BMPR1B: variants seen among roughly 807,000 people sequenced by gnomAD.
BMPR1B encodes bone morphogenetic protein receptor type-1B.
Under a neutral mutation model 59.1 loss-of-function variants are expected in BMPR1B, and 12 were observed. That is an observed-to-expected ratio of 0.20 (90% CI 0.13 to 0.33). The LOEUF is 0.33. BMPR1B is among the 10% of genes least tolerant of loss of function. The pLI is 1.00. For missense variants in BMPR1B, 550 were observed against 610.9 expected, an observed-to-expected ratio of 0.90 and a Z score of 1.05; for synonymous variants, 237 against 207.3, an observed-to-expected ratio of 1.14 and a Z score of -1.23.
At chr4:94,788,209 T>G (rs1054194027) in intron 1 of BMPR1B, among the ~76,000 whole-genome samples, 1 of 152,170 alleles carries the variant, frequency 6.6e-6, no homozygotes, top group African/African-American at 2.4e-5. Flanking sequence ...GTAAGAATTC[T>G]CTTGACTGGA....
intron 2 of BMPR1B, among the ~76,000 whole-genome samples, chr4:94,976,152 G>A (rs538951651): frequency 6.6e-6 from 1 of 152,324 alleles, no homozygotes; most frequent in South Asian, 2.1e-4. Context: ...TGGCCGTGTG[G>A]TCCCTTCACA....
chr4:94,831,291 A>T (rs1275779013), intron 1 of BMPR1B, among the ~76,000 whole-genome samples: 1 of 132,792 alleles, frequency 7.5e-6, no homozygotes, highest in Non-Finnish European at 1.7e-5. Context: ...TAATGAAAAA[A>T]TATTTTTGTA....
rs533803115 is a variant in BMPR1B, at chr4:95,006,271, G to A, written c.-18+10137G>A. On this transcript the variant is annotated intron_variant, in intron 3 of 12. Coordinates refer to ENST00000515059, the MANE Select transcript of BMPR1B (RefSeq NM_001203.3). Reference sequence around the variant, plus strand: ...TAATAGTCAGAAGGTAGGGCCGGGCGCGATGGCTCACACCTGTAATCCTAG... The same window carrying A: ...TAATAGTCAGAAGGTAGGGCCGGGCACGATGGCTCACACCTGTAATCCTAG... Among the ~76,000 whole-genome samples, 97 of 150,402 alleles carry A rather than the reference G, an allele frequency of 6.4e-4. No individual in the cohort carries two copies. In the South Asian group the frequency reaches 8.1e-3, roughly 12 times the overall value.
chr4:94,955,128 G>A (rs922946539), intron 2 of BMPR1B, among the ~76,000 whole-genome samples: 3 of 152,162 alleles, frequency 2.0e-5, no homozygotes, highest in Non-Finnish European at 4.4e-5. Context: ...AAGTGGGAAT[G>A]TGATCAGTAC....
intron 1 of BMPR1B, among the ~76,000 whole-genome samples, chr4:94,771,561 A>T (rs1472932802): frequency 2.6e-5 from 4 of 152,202 alleles, no homozygotes; most frequent in Admixed American, 2.6e-4. Context: ...TCATATCCTG[A>T]GGAGAGAGGT....
At chr4:94,814,583 ATAAG>A (rs1397539367) in intron 1 of BMPR1B, among the ~76,000 whole-genome samples, 6 of 152,206 alleles carry the variant, frequency 3.9e-5, no homozygotes, top group African/African-American at 1.2e-4. Flanking sequence ...TAGAGATAAT[ATAAG>A]TATTATAATG....
intron 2 of BMPR1B, among the ~76,000 whole-genome samples, chr4:94,919,906 A>G (rs888208395): frequency 3.3e-5 from 5 of 152,216 alleles, no homozygotes; most frequent in Admixed American, 2.6e-4. Flanking sequence ...AAGTGGGGAC[A>G]GTGTCGTCAT....
intron 2 of BMPR1B, among the ~76,000 whole-genome samples, chr4:94,967,024 A>G (rs896184201): frequency 6.6e-6 from 1 of 152,194 alleles, no homozygotes; most frequent in African/African-American, 2.4e-5. Flanking sequence ...GGGAAGCAAG[A>G]CAACCAAGTG....
intron 3 of BMPR1B, among the ~76,000 whole-genome samples, chr4:95,097,784 C>T (rs1012859514): frequency 1.3e-5 from 2 of 152,176 alleles, no homozygotes; most frequent in African/African-American, 4.8e-5. Context: ...GATCCGACCT[C>T]CTCAACCTCC....
At chr4:95,028,612 T>C (rs1414058779) in intron 3 of BMPR1B, among the ~76,000 whole-genome samples, 1 of 152,136 alleles carries the variant, frequency 6.6e-6, no homozygotes, top group African/African-American at 2.4e-5. Flanking sequence ...TTAAGAAATG[T>C]ACCTGTGTTT....
At chr4:94,957,006 A>T (rs1730165180) in intron 2 of BMPR1B, among the ~76,000 whole-genome samples, 1 of 152,204 alleles carries the variant, frequency 6.6e-6, no homozygotes, top group African/African-American at 2.4e-5. Context: ...TAAATTGTAG[A>T]TTACTATGTT....
At chr4:94,864,719 A>G (rs965152818) in intron 1 of BMPR1B, among the ~76,000 whole-genome samples, 2 of 152,188 alleles carry the variant, frequency 1.3e-5, no homozygotes, top group Admixed American at 6.5e-5. Flanking sequence ...AATACCCAAT[A>G]CAACGTAAAT....
At chr4:94,948,538 A>G (rs1729804188) in intron 2 of BMPR1B, among the ~76,000 whole-genome samples, 2 of 152,212 alleles carry the variant, frequency 1.3e-5, no homozygotes, top group African/African-American at 4.8e-5. Flanking sequence ...ATAAAGGCTA[A>G]AAGCAAGGAA....
intron 10 of BMPR1B, among the ~76,000 whole-genome samples, chr4:95,134,043 G>A (rs990657104): frequency 6.6e-6 from 1 of 151,956 alleles, no homozygotes; most frequent in African/African-American, 2.4e-5. Flanking sequence ...CCCACGACAG[G>A]CCTGGTGTGT....
At chr4:94,884,399 G>A (rs1257362476) in intron 2 of BMPR1B, among the ~76,000 whole-genome samples, 2 of 152,208 alleles carry the variant, frequency 1.3e-5, no homozygotes, top group Non-Finnish European at 2.9e-5. Flanking sequence ...GGTGGCAGGA[G>A]CTTGTAATTC....
intron 3 of BMPR1B, among the ~76,000 whole-genome samples, chr4:95,049,787 C>T (rs912605437): frequency 6.6e-6 from 1 of 151,778 alleles, no homozygotes; most frequent in African/African-American, 2.4e-5. Context: ...GCCACTTCAT[C>T]TTAAAATGTC....
chr4:95,046,639 A>C (rs1418130617), intron 3 of BMPR1B, among the ~76,000 whole-genome samples: 3 of 152,320 alleles, frequency 2.0e-5, no homozygotes, highest in Non-Finnish European at 4.4e-5. Flanking sequence ...AATGACATAC[A>C]GTGATGACAT....
intron 2 of BMPR1B, among the ~76,000 whole-genome samples, chr4:94,936,698 T>A (rs1729314831): frequency 6.6e-6 from 1 of 152,192 alleles, no homozygotes. Flanking sequence ...ATATTTAGTT[T>A]ATTTCCAAAC....
intron 12 of BMPR1B, among the ~76,000 whole-genome samples, chr4:95,153,512 A>AG (rs1735203790): frequency 6.6e-6 from 1 of 152,142 alleles, no homozygotes; most frequent in Admixed American, 6.5e-5. Flanking sequence ...AGCACTGCAA[A>AG]GGGGGGACAG....
Sources: allele counts gnomAD v4.1 joint callset (sites outside exome capture counted in the v4.1 genomes callset), GRCh38; gene constraint gnomAD v4.1.1; transcripts MANE v1.5; gene names NCBI Gene and HGNC (gene_info 2026-07-23, HGNC 2026-07-21).